ACADVL: variants seen among roughly 807,000 people sequenced by gnomAD.
The protein encoded by ACADVL is acyl-CoA dehydrogenase very long chain.
In ACADVL, 73 loss-of-function variants were observed where a neutral mutation model predicts 80.4. The ratio of observed to expected loss-of-function variants is 0.91; its 90% CI spans 0.75 to 1.10. The LOEUF is 1.10. Ranked by LOEUF, ACADVL falls within the 50% of genes least tolerant of loss-of-function variation. ACADVL has a pLI of 0.00. For synonymous variants in ACADVL, 392 were observed against 326.5 expected, an observed-to-expected ratio of 1.20 and a Z score of -2.16; for missense variants, 878 against 858.9, an observed-to-expected ratio of 1.02 and a Z score of -0.28.
chr17:7,218,342 C>G (rs2071030295), upstream of ACADVL: 1 of 1,542,370 alleles, frequency 6.5e-7, no homozygotes, highest in East Asian at 2.4e-5. Flanking sequence ...CACATCACCC[C>G]TGTCATCACC....
chr17:7,222,407 C>G, intron 9 of ACADVL, 105 bp downstream of exon 9: 1 of 1,502,880 alleles, frequency 6.7e-7, no homozygotes, highest in Admixed American at 2.0e-5. Context: ...AAAGCCAAAG[C>G]AGGTGGACTG....
upstream of ACADVL, chr17:7,218,871 T>C (rs1321393523): frequency 1.9e-6 from 3 of 1,613,232 alleles, no homozygotes; most frequent in Admixed American, 5.0e-5. Context: ...CTCACTTTAA[T>C]CTCCCTAATC....
chr17:7,220,731 C>A, intron 4 of ACADVL, 35 bp from the exon 5 acceptor site: 1 of 1,614,126 alleles, frequency 6.2e-7, no homozygotes, highest in Non-Finnish European at 8.5e-7. Context: ...CCCCTGCCAG[C>A]CTGGCCTGAC....
rs2071414864 is a variant in ACADVL at position 7,225,067 on chromosome 17, T to C, written c.1938T>C (p.Gly646=). 1 of 1,614,024 alleles carries C rather than the reference T, an allele frequency of 6.2e-7. No homozygotes were observed. The highest frequency in any genetic ancestry group is 8.5e-7 in the Non-Finnish European group (1 of 1,179,996). Reference sequence around the variant, plus strand: ...CCAAGGCCTTGGTGGAGCGGGGTGGTGTGGTCACCAGCAACCCACTTGGCT... The same window carrying C: ...CCAAGGCCTTGGTGGAGCGGGGTGGCGTGGTCACCAGCAACCCACTTGGCT... ...SISKALVERG[G]VVTSNPLGF Residue 646 remains glycine, a synonymous_variant, in exon 20 of 20, where the codon GGT becomes GGC. Coordinates refer to ENST00000356839, the MANE Select transcript of ACADVL (RefSeq NM_000018.4).
Position 7,220,548 on chromosome 17 carries a change from A to G in ACADVL, c.204+19A>G, listed in dbSNP as rs755486571. Reference sequence around the variant, plus strand: ...CAAGGCGGTAGGTAGCCCCGAGGCCAGGTGGACCTTAGCCAGACCCAACCA... The same window carrying G: ...CAAGGCGGTAGGTAGCCCCGAGGCCGGGTGGACCTTAGCCAGACCCAACCA... On this transcript the variant is annotated intron_variant, in intron 3 of 19. Transcript: ENST00000356839. The G allele has an allele frequency of 6.2e-7, 1 of 1,614,250 alleles. No individual in the cohort carries two copies. The highest frequency in any genetic ancestry group is 8.5e-7 in the Non-Finnish European group (1 of 1,180,038).
At chr17:7,220,865 G>A (rs1184402276) in intron 5 of ACADVL, 35 bp downstream of exon 5, 2 of 1,614,072 alleles carry the variant, frequency 1.2e-6, no homozygotes, top group Non-Finnish European at 1.7e-6. Context: ...CCCTGGTGAG[G>A]TGTTTGGAGA....
Position 7,223,809 on chromosome 17 carries a change from C to G in ACADVL, c.1270-4C>G. 2 of 1,614,102 alleles carry G rather than the reference C, an allele frequency of 1.2e-6. No individual in the cohort carries two copies. The highest frequency in any genetic ancestry group is 1.1e-5 in the South Asian group (1 of 91,076). On this transcript the variant is annotated splice_region_variant and splice_polypyrimidine_tract_variant and intron_variant, in intron 12 of 19. Transcript: ENST00000356839. The stretch of plus-strand genomic sequence containing the variant: ...AACCAGTCTCATCTGTTCTTTGTCC[C>G]TAGGAGGCAGCCTGGAAGGTGACAG...
At chr17:7,219,775 C>T, upstream of ACADVL, 2 of 1,488,628 alleles carry the variant, frequency 1.3e-6, no homozygotes, top group South Asian at 1.3e-5. Context: ...TTGGGGGAGA[C>T]GAGGGACGCT....
rs896608880 is a variant in ACADVL, at chr17:7,224,821, C to T, written c.1764C>T (p.Ser588=). 1.1e-5 allele frequency: 17 copies of T among 1,614,032 alleles called. No individual in the cohort carries two copies. Among genetic ancestry groups the T allele is most frequent in the Non-Finnish European group, 1.4e-5 (16 of 1,180,012 alleles). The change falls in exon 19 of 20, where the codon TCC becomes TCT. Residue 588 remains serine, a synonymous_variant. Transcript: ENST00000356839. ...TGCTTCCTGCCAGGGCCTCAAGATC[C>T]CTGAGTGAGGGCCACCCCACGGCCC... ...MVVVLSRASR[S]LSEGHPTAQH...
rs775797560 is a variant in ACADVL, at chr17:7,224,182, C to T, written c.1471C>T (p.Leu491=). 1.2e-6 allele frequency: 2 copies of T among 1,614,062 alleles called. No homozygotes were observed. Among genetic ancestry groups the T allele is most frequent in the East Asian group, 2.2e-5 (1 of 44,876 alleles). Residue 491 remains leucine, a synonymous_variant, in exon 15 of 20, where the codon CTA becomes TTA. Transcript: ENST00000356839. ...GKELSGLGSA[L]KNPFGNAGLL... ...GGAGCTCTCTGGGCTTGGCAGTGCTCTAAAGAATCCCTTTGGGAATGCTGG... is the reference window on the plus strand; with the variant it reads ...GGAGCTCTCTGGGCTTGGCAGTGCTTTAAAGAATCCCTTTGGGAATGCTGG...
In ACADVL at chr17:7,221,518, G is replaced by T. The variant is rs746194631; in HGVS notation, c.478-20G>T. On this transcript the variant is annotated intron_variant, in intron 6 of 19. Coordinates refer to ENST00000356839, the MANE Select transcript of ACADVL (RefSeq NM_000018.4). ...CCCCCTGCAGCCAGTGACAACCCCAGATTCCTGCTTCCCCTCCAGTACGCC... is the reference window on the plus strand; with the variant it reads ...CCCCCTGCAGCCAGTGACAACCCCATATTCCTGCTTCCCCTCCAGTACGCC... The T allele has an allele frequency of 5.0e-6, 8 of 1,596,172 alleles. No homozygotes were observed. Among genetic ancestry groups the T allele is most frequent in the Non-Finnish European group, 6.8e-6 (8 of 1,179,788 alleles).
In ACADVL at chr17:7,221,198, G is replaced by A. The variant is rs2071198303; in HGVS notation, c.477+140G>A. The A allele has an allele frequency of 2.9e-6, 4 of 1,401,096 alleles. No individual in the cohort carries two copies. The African/African-American group carries it at 5.7e-5, about 20-fold the overall frequency. The allele number at this position is 1,401,096 out of a possible 1,614,324, so 86.8% of individuals were successfully genotyped here. On this transcript the variant is annotated intron_variant, in intron 6 of 19. Transcript: ENST00000356839. ...GGTGCCTGTGGGATGGATGTTAACT[G>A]TCCAAACATAACACAATTTACATGC...
At position 7,222,248 on chromosome 17, in the gene ACADVL, T is replaced by C; in HGVS notation, c.824T>C (p.Val275Ala). Residue 275 changes from valine to alanine, a missense_variant, in exon 9 of 20, where the codon GTG (valine) becomes GCG (alanine). Physicochemically the swap from Val to Ala is moderately conservative, Grantham distance 64. Coordinates refer to ENST00000356839, the MANE Select transcript of ACADVL (RefSeq NM_000018.4). ...GTTACAGATCCAGCCACAGGAGCCG[T>C]GAAGGAGAAGATCACAGCTTTTGTG... ...TPVTDPATGA[V>A]KEKITAFVVE... 1 of 1,613,988 alleles carries C rather than the reference T, an allele frequency of 6.2e-7. No individual in the cohort carries two copies. Among genetic ancestry groups the C allele is most frequent in the Non-Finnish European group, 8.5e-7 (1 of 1,179,970 alleles).
Position 7,221,675 on chromosome 17 carries a change from G to A in ACADVL, c.615G>A (p.Leu205=). Residue 205 remains leucine (L), a synonymous_variant, in exon 7 of 20, where the codon CTG becomes CTA. Transcript: ENST00000356839. ...KAQKEKYLPK[L]ASGETVAAFC... ...AGAAAGAAAAATACCTCCCCAAGCT[G>A]GCATCTGGTGAGGCAACCCTAGGAG... 3 of 1,613,842 alleles carry A rather than the reference G, an allele frequency of 1.9e-6. No homozygotes were observed. Among genetic ancestry groups the A allele is most frequent in the Middle Eastern group, 3.3e-4 (2 of 6,062 alleles).
At chr17:7,218,370 A>G, upstream of ACADVL, 2 of 1,477,604 alleles carry the variant, frequency 1.4e-6, no homozygotes, top group Non-Finnish European at 1.9e-6. Flanking sequence ...GCTGGCTGGC[A>G]AGGGAGGAGC....
intron 13 of ACADVL, 28 bp downstream of exon 13, chr17:7,223,903 G>A (rs774829949): frequency 4.9e-5 from 79 of 1,613,682 alleles, no homozygotes; most frequent in Non-Finnish European, 6.4e-5. Context: ...GCAGAGCCTC[G>A]GCTGGGCCAG....
At chr17:7,219,633 A>G, upstream of ACADVL, 1 of 1,233,144 alleles carries the variant, frequency 8.1e-7, no homozygotes. Context: ...ACCCCACCGG[A>G]GAAGCCCTCC....
Position 7,223,775 on chromosome 17 carries a change from A to G in ACADVL, c.1270-38A>G, listed in dbSNP as rs1555528742. 2 of 1,614,086 alleles carry G rather than the reference A, an allele frequency of 1.2e-6. No homozygotes were observed. Among genetic ancestry groups the G allele is most frequent in the East Asian group, 4.5e-5 (2 of 44,880 alleles). ...GGGAGGGAGTCCAGTTTGGGTGCTC[A>G]GCTCCCAAAACCAGTCTCATCTGTT... On this transcript the variant is annotated intron_variant, in intron 12 of 19. Coordinates refer to ENST00000356839, the MANE Select transcript of ACADVL (RefSeq NM_000018.4).
Position 7,221,972 on chromosome 17 carries a change from T to C in ACADVL, c.643T>C (p.Cys215Arg). ...LASGETVAAF[C>R]LTEPSSGSDA... ...AACAGGGGAGACTGTGGCCGCTTTC[T>C]GTCTAACCGAGCCCTCAAGCGGGTC... The change falls in exon 8 of 20, where the codon TGT becomes CGT. Residue 215 changes from cysteine (C) to arginine (R), a missense_variant. Coordinates refer to ENST00000356839, the MANE Select transcript of ACADVL (RefSeq NM_000018.4). The C allele has an allele frequency of 2.5e-6, 4 of 1,614,060 alleles. No individual in the cohort carries two copies. The highest frequency in any genetic ancestry group is 2.2e-5 in the East Asian group (1 of 44,874).
Sources: allele counts gnomAD v4.1 joint callset, GRCh38; gene constraint gnomAD v4.1.1; transcripts MANE v1.5; gene names NCBI Gene and HGNC (gene_info 2026-07-23, HGNC 2026-07-21).